Variants in SCTR observed in about 807,000 individuals in gnomAD.
SCTR encodes pancreatic secretin receptor.
SCTR carries 56 observed loss-of-function variants against 60.8 expected under a neutral mutation model. That is an observed-to-expected ratio of 0.92 (90% CI 0.74 to 1.15). SCTR has a LOEUF of 1.15. Ranked by LOEUF, SCTR falls within the 50% of genes most tolerant of loss-of-function variation. The pLI, the probability that SCTR is intolerant of heterozygous loss-of-function variation, is 0.00. For missense variants in SCTR, 562 were observed against 550.4 expected (o/e 1.02, Z -0.21); for synonymous variants, 202 against 217.0 (o/e 0.93, Z 0.61).
intron 3 of SCTR, among the ~76,000 whole-genome samples, chr2:119,477,424 T>C (rs56232614): frequency 2.6e-4 from 40 of 151,436 alleles, no homozygotes; most frequent in Non-Finnish European, 5.0e-4. Context: ...ACCTGTTTCC[T>C]GTTCTGGACG....
chr2:119,504,460 G>A (rs546992554), intron 1 of SCTR, among the ~76,000 whole-genome samples: 24 of 151,884 alleles, frequency 1.6e-4, no homozygotes, highest in East Asian at 3.9e-4. Flanking sequence ...GCGTGGTGGC[G>A]CACACCTATA....
At chr2:119,447,327 A>G (rs556176350) in intron 10 of SCTR, among the ~76,000 whole-genome samples, 1 of 152,292 alleles carries the variant, frequency 6.6e-6, no homozygotes, top group South Asian at 2.1e-4. Context: ...AAAAATACAG[A>G]ATCCCCAGTT....
At chr2:119,521,552 C>T (rs1679287480) in intron 1 of SCTR, among the ~76,000 whole-genome samples, 1 of 152,046 alleles carries the variant, frequency 6.6e-6, no homozygotes, top group African/African-American at 2.4e-5. Context: ...GGGCTGTGAT[C>T]AGTATTTCTT....
At chr2:119,501,239 T>C (rs1678540351) in intron 1 of SCTR, among the ~76,000 whole-genome samples, 1 of 152,060 alleles carries the variant, frequency 6.6e-6, no homozygotes, top group Middle Eastern at 3.2e-3. Context: ...TGAAACCCTG[T>C]CTCTACTAAA....
In SCTR at chr2:119,483,820, G is replaced by C. The variant is rs114415884; in HGVS notation, c.194-4902C>G. 9.9e-3 allele frequency among the ~76,000 whole-genome samples: 1,509 copies of C among 152,290 alleles called. 22 individuals are homozygous for C. Among genetic ancestry groups the C allele is most frequent in the Non-Finnish European group, 0.015 (998 of 68,010 alleles). On this transcript the variant is annotated intron_variant, in intron 2 of 12. Coordinates refer to ENST00000019103, the MANE Select transcript of SCTR (RefSeq NM_002980.3). ...GAGGTGCGTGGCTCTAGCCAGGCTGGAGGGAATGTGGCTTGGGGGAGCTGG... is the reference window on the plus strand; with the variant it reads ...GAGGTGCGTGGCTCTAGCCAGGCTGCAGGGAATGTGGCTTGGGGGAGCTGG...
chr2:119,465,275 G>T (rs917402851), intron 5 of SCTR, among the ~76,000 whole-genome samples: 7 of 152,166 alleles, frequency 4.6e-5, no homozygotes, highest in African/African-American at 1.4e-4. Flanking sequence ...GCTGGTGGTT[G>T]TCTCTGCCAC....
intron 1 of SCTR, among the ~76,000 whole-genome samples, chr2:119,501,755 A>T (rs1259595995): frequency 5.9e-5 from 9 of 151,800 alleles, no homozygotes; most frequent in Admixed American, 5.9e-4. Flanking sequence ...TAAAACTATG[A>T]TACACCAATC....
rs189193173 is a variant in SCTR, at chr2:119,473,117, C to T, written c.405+336G>A. 2.1e-4 allele frequency among the ~76,000 whole-genome samples: 32 copies of T among 152,312 alleles called. No homozygotes were observed. The East Asian group carries it at 3.1e-3, about 15-fold the overall frequency. ...ACTAAGGTCAAGGTCGGAATTCAGA[C>T]GCACCAGCCTTGCTCTGAGCATTTA... On this transcript the variant is annotated intron_variant, in intron 4 of 12. Coordinates refer to ENST00000019103, the MANE Select transcript of SCTR (RefSeq NM_002980.3).
chr2:119,494,595 T>G, intron 1 of SCTR, 47 bp from the exon 2 acceptor site: 2 of 1,607,692 alleles, frequency 1.2e-6, no homozygotes, highest in Non-Finnish European at 1.7e-6. Flanking sequence ...CTAACTCAAT[T>G]TTGCCACATG....
At chr2:119,486,774 G>A (rs1455729557) in intron 2 of SCTR, 1 of 152,096 alleles carries the variant, frequency 6.6e-6, no homozygotes, top group African/African-American at 2.4e-5. Flanking sequence ...AATTTAAATT[G>A]CCTAGAATGT....
At chr2:119,458,533 G>A (rs180888467) in intron 7 of SCTR, among the ~76,000 whole-genome samples, 2,712 of 151,598 alleles carry the variant, frequency 0.018, 26 homozygotes, top group Middle Eastern at 0.075. Context: ...CCCGGGAGGC[G>A]GAGCTTGCAG....
chr2:119,507,944 T>C (rs1016589247), intron 1 of SCTR, among the ~76,000 whole-genome samples: 1 of 152,190 alleles, frequency 6.6e-6, no homozygotes, highest in East Asian at 1.9e-4. Flanking sequence ...CCCAAAGTGC[T>C]GGCTCATTCT....
intron 2 of SCTR, among the ~76,000 whole-genome samples, chr2:119,483,193 A>T (rs902615939): frequency 2.6e-5 from 4 of 152,204 alleles, no homozygotes; most frequent in Non-Finnish European, 1.5e-5. Context: ...GCCCCCAGGG[A>T]TGCCTGGGGA....
intron 4 of SCTR, among the ~76,000 whole-genome samples, chr2:119,470,080 G>A (rs759585430): frequency 5.3e-5 from 8 of 152,212 alleles, no homozygotes; most frequent in Non-Finnish European, 1.5e-5. Context: ...GGGCTTGGCT[G>A]TGTTCCAATA....
At chr2:119,516,046 G>A (rs1679104427) in intron 1 of SCTR, among the ~76,000 whole-genome samples, 2 of 152,198 alleles carry the variant, frequency 1.3e-5, no homozygotes, top group African/African-American at 4.8e-5. Flanking sequence ...CCTGTTAGGG[G>A]GGCTAATGTG....
intron 2 of SCTR, among the ~76,000 whole-genome samples, chr2:119,482,461 G>A (rs982233716): frequency 1.3e-5 from 2 of 152,196 alleles, no homozygotes; most frequent in Non-Finnish European, 2.9e-5. Context: ...GACACAGAAG[G>A]CAGTGTGTGG....
chr2:119,491,463 T>C (rs551452845), intron 2 of SCTR, among the ~76,000 whole-genome samples: 2 of 152,148 alleles, frequency 1.3e-5, no homozygotes, highest in Non-Finnish European at 2.9e-5. Context: ...CAGACCCACA[T>C]ACTGTTCTTA....
At chr2:119,445,533 G>T (rs1007471430) in intron 11 of SCTR, among the ~76,000 whole-genome samples, 5 of 152,192 alleles carry the variant, frequency 3.3e-5, no homozygotes, top group African/African-American at 1.2e-4. Flanking sequence ...GTAACAGGAA[G>T]ACCCTACCCT....
intron 1 of SCTR, among the ~76,000 whole-genome samples, chr2:119,514,753 C>A (rs1316140737): frequency 6.6e-6 from 1 of 152,130 alleles, no homozygotes; most frequent in Non-Finnish European, 1.5e-5. Flanking sequence ...TGGCGCATGC[C>A]TGTAATCCCA....
Sources: gnomAD v4.1 joint callset for allele counts (sites outside exome capture counted in the v4.1 genomes callset) on GRCh38, gnomAD v4.1.1 for gene constraint, MANE v1.5 for transcripts, NCBI Gene and HGNC (gene_info 2026-07-23, HGNC 2026-07-21) for gene names.